Variants in PTPRD observed in about 807,000 individuals in gnomAD.
PTPRD encodes receptor-type tyrosine-protein phosphatase delta.
PTPRD carries 34 observed loss-of-function variants against 214.5 expected under a neutral mutation model. The observed-to-expected ratio is 0.16, with a 90% CI of 0.12 to 0.21. PTPRD has a LOEUF of 0.21. PTPRD is among the 10% of genes least tolerant of loss of function. The pLI is 1.00. For synonymous variants in PTPRD, 1,128 were observed against 845.7 expected, an observed-to-expected ratio of 1.33 and a Z score of -5.79; for missense variants, 2,545 against 2,398.7, an observed-to-expected ratio of 1.06 and a Z score of -1.27.
At chr9:8,801,337 A>G (rs2096566596) in intron 11 of PTPRD, among the ~76,000 whole-genome samples, 1 of 152,216 alleles carries the variant, frequency 6.6e-6, no homozygotes, top group Non-Finnish European at 1.5e-5. Context: ...TGGAGCTTAG[A>G]TATTTGTTTC....
intron 9 of PTPRD, among the ~76,000 whole-genome samples, chr9:9,366,708 TA>T (rs1264310505): frequency 6.6e-6 from 1 of 151,500 alleles, no homozygotes; most frequent in African/African-American, 2.4e-5. Context: ...ATATGCAATT[TA>T]AAATAACGAA....
At chr9:8,696,867 C>A (rs1405669544) in intron 12 of PTPRD, among the ~76,000 whole-genome samples, 1 of 152,166 alleles carries the variant, frequency 6.6e-6, no homozygotes, top group African/African-American at 2.4e-5. Flanking sequence ...CTTAGTATTC[C>A]TGCCAGAATT....
chr9:8,857,838 G>T, intron 11 of PTPRD: 1 of 155,614 alleles, frequency 6.4e-6, no homozygotes, highest in South Asian at 1.8e-4. Flanking sequence ...GCCCAGTCCA[G>T]AGCGAGGAAG....
At chr9:8,884,484 G>A (rs1392460743) in intron 11 of PTPRD, among the ~76,000 whole-genome samples, 1 of 152,182 alleles carries the variant, frequency 6.6e-6, no homozygotes, top group Non-Finnish European at 1.5e-5. Context: ...TGAGTTTGGA[G>A]CTGGACTAAG....
intron 5 of PTPRD, among the ~76,000 whole-genome samples, chr9:9,792,663 C>G (rs1441533363): frequency 1.3e-5 from 2 of 152,118 alleles, no homozygotes; most frequent in Non-Finnish European, 1.5e-5. Context: ...AAGCTCTGTG[C>G]TATTTTCAGA....
intron 10 of PTPRD, among the ~76,000 whole-genome samples, chr9:9,159,438 A>G (rs1487641004): frequency 6.6e-6 from 1 of 152,194 alleles, no homozygotes; most frequent in Non-Finnish European, 1.5e-5. Flanking sequence ...CAAAAAAATT[A>G]TAGAAAACAA....
intron 11 of PTPRD, chr9:8,862,202 A>G (rs1024360951): frequency 6.6e-5 from 10 of 152,208 alleles, no homozygotes; most frequent in African/African-American, 2.4e-4. Flanking sequence ...CTAAAAATAC[A>G]AAAATTATCT....
intron 3 of PTPRD, among the ~76,000 whole-genome samples, chr9:10,322,646 T>C (rs892548342): frequency 1.3e-5 from 2 of 152,016 alleles, no homozygotes; most frequent in African/African-American, 2.4e-5. Flanking sequence ...TAGAAATAAA[T>C]TAAAAAGCAA....
At chr9:10,509,129 T>C (rs556862716) in intron 2 of PTPRD, among the ~76,000 whole-genome samples, 6 of 152,174 alleles carry the variant, frequency 3.9e-5, no homozygotes, top group African/African-American at 1.4e-4. Flanking sequence ...TCTATGCACA[T>C]ATTATATATG....
intron 12 of PTPRD, among the ~76,000 whole-genome samples, chr9:8,712,777 G>C (rs1444680256): frequency 6.6e-6 from 1 of 152,170 alleles, no homozygotes; most frequent in Non-Finnish European, 1.5e-5. Flanking sequence ...GGAGTGCAGT[G>C]GCACGATCTT....
chr9:9,123,294 C>T (rs932606399), intron 10 of PTPRD, among the ~76,000 whole-genome samples: 2 of 152,180 alleles, frequency 1.3e-5, no homozygotes, highest in Non-Finnish European at 2.9e-5. Flanking sequence ...GGAGCTAGGA[C>T]ATTTCTCTGA....
intron 8 of PTPRD, among the ~76,000 whole-genome samples, chr9:9,492,628 A>T (rs1013267399): frequency 6.6e-6 from 1 of 152,100 alleles, no homozygotes; most frequent in Non-Finnish European, 1.5e-5. Context: ...ACATTCAACA[A>T]GTTAGAACTA....
intron 3 of PTPRD, among the ~76,000 whole-genome samples, chr9:10,150,229 T>C (rs1456574697): frequency 6.6e-6 from 1 of 151,892 alleles, no homozygotes; most frequent in Non-Finnish European, 1.5e-5. Flanking sequence ...TAAGAAATGG[T>C]GAAATACAAT....
At chr9:8,354,966 A>G (rs892001907) in intron 39 of PTPRD, among the ~76,000 whole-genome samples, 2 of 152,184 alleles carry the variant, frequency 1.3e-5, no homozygotes, top group African/African-American at 4.8e-5. Flanking sequence ...TGGTTTTTAA[A>G]GCACTGCCAA....
chr9:10,402,776 A>T (rs1257498729), intron 2 of PTPRD, among the ~76,000 whole-genome samples: 1 of 151,656 alleles, frequency 6.6e-6, no homozygotes, highest in Non-Finnish European at 1.5e-5. Flanking sequence ...ATTGAAACGG[A>T]ATTTTCTAAG....
chr9:8,847,774 C>G (rs541853768), intron 11 of PTPRD, among the ~76,000 whole-genome samples: 3 of 152,200 alleles, frequency 2.0e-5, no homozygotes, highest in African/African-American at 7.2e-5. Flanking sequence ...ATAATCAAAT[C>G]ATCCACCCTT....
intron 2 of PTPRD, among the ~76,000 whole-genome samples, chr9:10,569,270 A>T (rs1331579619): frequency 6.6e-6 from 1 of 152,114 alleles, no homozygotes; most frequent in Non-Finnish European, 1.5e-5. Context: ...GTCAGGTAAC[A>T]ACAGGTGCAT....
intron 3 of PTPRD, among the ~76,000 whole-genome samples, chr9:10,337,931 C>G (rs1049661420): frequency 4.0e-5 from 6 of 151,684 alleles, no homozygotes; most frequent in Admixed American, 2.6e-4. Context: ...AATACGTTTT[C>G]AGCAATTGCA....
At chr9:8,533,487 A>C (rs907757250) in intron 14 of PTPRD, among the ~76,000 whole-genome samples, 20 of 152,198 alleles carry the variant, frequency 1.3e-4, no homozygotes, top group African/African-American at 4.6e-4. Flanking sequence ...TGGCAAGTAT[A>C]CCTGAACACT....
Sources: allele counts gnomAD v4.1 joint callset (sites outside exome capture counted in the v4.1 genomes callset), GRCh38; gene constraint gnomAD v4.1.1; transcripts MANE v1.5; gene names NCBI Gene and HGNC (gene_info 2026-07-23, HGNC 2026-07-21).